GPC6: variants seen among roughly 807,000 people sequenced by gnomAD.
GPC6 encodes glypican 6.
GPC6 carries 14 observed loss-of-function variants against 55.2 expected under a neutral mutation model. That is an observed-to-expected ratio of 0.25 (90% CI 0.17 to 0.40). The LOEUF (loss-of-function observed/expected upper bound fraction) is 0.40, where lower values mean the gene tolerates loss of function less well. Ranked by LOEUF, GPC6 falls within the 10% of genes least tolerant of loss-of-function variation. GPC6 has a pLI of 1.00. For missense variants in GPC6, 641 were observed against 708.5 expected, an observed-to-expected ratio of 0.90 and a Z score of 1.08; for synonymous variants, 278 against 259.6, an observed-to-expected ratio of 1.07 and a Z score of -0.68.
chr13:93,738,162 G>A (rs1884065364), intron 2 of GPC6, among the ~76,000 whole-genome samples: 1 of 152,168 alleles, frequency 6.6e-6, no homozygotes, highest in African/African-American at 2.4e-5. Flanking sequence ...TATGGCTAAT[G>A]CCTGCTAAAT....
chr13:93,801,577 T>C (rs1886371334), intron 2 of GPC6, among the ~76,000 whole-genome samples: 1 of 152,074 alleles, frequency 6.6e-6, no homozygotes, highest in African/African-American at 2.4e-5. Flanking sequence ...TTGACACTGC[T>C]CCCCATTCCT....
At chr13:94,213,458 A>T (rs1890141924) in intron 4 of GPC6, among the ~76,000 whole-genome samples, 1 of 152,234 alleles carries the variant, frequency 6.6e-6, no homozygotes, top group Non-Finnish European at 1.5e-5. Flanking sequence ...TTAGAATAAA[A>T]CTAACCATTT....
chr13:94,149,931 A>G (rs1887680853), intron 4 of GPC6, among the ~76,000 whole-genome samples: 1 of 151,670 alleles, frequency 6.6e-6, no homozygotes, highest in Admixed American at 6.6e-5. Context: ...TATCTTCACC[A>G]TTTTTCTGGT....
chr13:93,780,594 TACACACACACACACAC>T (rs35134947), intron 2 of GPC6, among the ~76,000 whole-genome samples: 6 of 143,842 alleles, frequency 4.2e-5, no homozygotes, highest in Admixed American at 1.4e-4. Context: ...ATCACAAAAA[TACACACACACACACAC>T]ACACACACAC....
At chr13:93,409,404 AATTGAGTTCATCTTCC>A (rs1275971449) in intron 1 of GPC6, among the ~76,000 whole-genome samples, 1 of 152,162 alleles carries the variant, frequency 6.6e-6, no homozygotes, top group East Asian at 1.9e-4. Flanking sequence ...TTGTGCCTGG[AATTGAGTTCATCTTCC>A]ATCTTTAGCT....
intron 1 of GPC6, among the ~76,000 whole-genome samples, chr13:93,427,082 GTTGT>G (rs1337993504): frequency 1.4e-4 from 21 of 148,122 alleles, no homozygotes; most frequent in African/African-American, 5.0e-4. Context: ...TTTTGATGGG[GTTGT>G]TTGTTTTTTT....
intron 3 of GPC6, among the ~76,000 whole-genome samples, chr13:93,984,790 A>G (rs74934289): frequency 6.6e-6 from 1 of 152,210 alleles, no homozygotes; most frequent in Non-Finnish European, 1.5e-5. Context: ...AAACTAAAGC[A>G]AAAAATATAA....
At chr13:94,165,144 C>G (rs1888312844) in intron 4 of GPC6, among the ~76,000 whole-genome samples, 1 of 151,274 alleles carries the variant, frequency 6.6e-6, no homozygotes, top group African/African-American at 2.4e-5. Flanking sequence ...ATGGAACCAG[C>G]CCAAATGCCT....
At chr13:93,578,367 G>A (rs760851847) in intron 2 of GPC6, among the ~76,000 whole-genome samples, 14 of 151,748 alleles carry the variant, frequency 9.2e-5, no homozygotes, top group African/African-American at 3.4e-4. Context: ...TACCCTTTCA[G>A]TCTTGTTATT....
At chr13:94,374,999 T>C (rs1879771619) in intron 6 of GPC6, among the ~76,000 whole-genome samples, 1 of 147,648 alleles carries the variant, frequency 6.8e-6, no homozygotes, top group African/African-American at 2.6e-5. Flanking sequence ...AATAAAGATG[T>C]TCTTTGAAAC....
intron 5 of GPC6, among the ~76,000 whole-genome samples, chr13:94,302,726 G>T (rs1353233596): frequency 6.6e-6 from 1 of 152,168 alleles, no homozygotes. Flanking sequence ...TAATGGAGGG[G>T]TCCTTGCGCC....
chr13:93,479,610 C>CT (rs1175924829), intron 1 of GPC6, among the ~76,000 whole-genome samples: 22 of 77,030 alleles, frequency 2.9e-4, no homozygotes, highest in Non-Finnish European at 5.5e-4. Context: ...GTGGTGAGAC[C>CT]CCCCCCCATC....
At chr13:94,279,279 G>A (rs1293000394) in intron 4 of GPC6, among the ~76,000 whole-genome samples, 1 of 151,486 alleles carries the variant, frequency 6.6e-6, no homozygotes, top group East Asian at 1.9e-4. Flanking sequence ...GGTCAGTGGT[G>A]ATATCCCCTT....
chr13:94,181,010 C>G (rs1594029644), intron 4 of GPC6, among the ~76,000 whole-genome samples: 1 of 152,212 alleles, frequency 6.6e-6, no homozygotes, highest in Non-Finnish European at 1.5e-5. Context: ...TGGACCCATC[C>G]CCAGAAATTT....
intron 1 of GPC6, among the ~76,000 whole-genome samples, chr13:93,305,220 C>T (rs1237839440): frequency 5.3e-5 from 8 of 152,144 alleles, no homozygotes; most frequent in Non-Finnish European, 1.2e-4. Flanking sequence ...TTATCTGTAC[C>T]TCTGGGGTTG....
intron 1 of GPC6, among the ~76,000 whole-genome samples, chr13:93,260,007 A>G (rs192114604): frequency 6.6e-6 from 1 of 152,284 alleles, no homozygotes; most frequent in Admixed American, 6.5e-5. Flanking sequence ...TAGGCATTGT[A>G]CAAACATCAA....
rs1286925970 is a variant in GPC6 at position 93,903,137 on chromosome 13, G to C, written c.711+72592G>C. 3.3e-5 allele frequency among the ~76,000 whole-genome samples: 5 copies of C among 152,164 alleles called. 1 individual carries two copies. Among genetic ancestry groups the C allele is most frequent in the Non-Finnish European group, 7.4e-5 (5 of 68,020 alleles). On this transcript the variant is annotated intron_variant, in intron 3 of 8. Coordinates refer to ENST00000377047, the MANE Select transcript of GPC6 (RefSeq NM_005708.5). ...TACCAGAAGAAAACACAGGGGAAAT[G>C]CTACATGACATTGGTCTGGGCAAGG...
intron 4 of GPC6, among the ~76,000 whole-genome samples, chr13:94,106,731 G>T (rs1340222566): frequency 6.6e-6 from 1 of 152,132 alleles, no homozygotes; most frequent in African/African-American, 2.4e-5. Context: ...TACTGGAGAA[G>T]TTCACAAAAG....
chr13:93,565,218 G>T (rs1876036169), intron 2 of GPC6, among the ~76,000 whole-genome samples: 1 of 152,100 alleles, frequency 6.6e-6, no homozygotes, highest in Non-Finnish European at 1.5e-5. Context: ...TGTTGAAAGG[G>T]GGGAGAAGCA....
Sources: gnomAD v4.1 joint callset for allele counts (sites outside exome capture counted in the v4.1 genomes callset) on GRCh38, gnomAD v4.1.1 for gene constraint, MANE v1.5 for transcripts, NCBI Gene and HGNC (gene_info 2026-07-23, HGNC 2026-07-21) for gene names.